Variants in AFG1L observed in about 807,000 individuals in gnomAD.
AFG1L encodes the protein AFG1-like ATPase.
In AFG1L, 53 loss-of-function variants were observed where a neutral mutation model predicts 62.2. That is an observed-to-expected ratio of 0.85 (90% CI 0.68 to 1.07). The LOEUF is 1.07. Among genes scored for constraint, AFG1L ranks in the 50% least tolerant of loss-of-function variants. The pLI, the probability that AFG1L is intolerant of heterozygous loss-of-function variation, is 0.00. For synonymous variants in AFG1L, 228 were observed against 210.3 expected (o/e 1.08, Z -0.73); for missense variants, 555 against 590.5 (o/e 0.94, Z 0.62).
intron 10 of AFG1L, among the ~76,000 whole-genome samples, chr6:108,506,505 G>A (rs1774425819): frequency 6.6e-6 from 1 of 152,068 alleles, no homozygotes; most frequent in African/African-American, 2.4e-5. Context: ...CACTGGGCCT[G>A]GCTTCCTCCC....
intron 1 of AFG1L, among the ~76,000 whole-genome samples, chr6:108,297,175 C>G (rs369711210): frequency 6.6e-6 from 1 of 152,072 alleles, no homozygotes; most frequent in Non-Finnish European, 1.5e-5. Context: ...GGTACAATCT[C>G]GGCTCACTGC....
At position 108,395,403 on chromosome 6, in the gene AFG1L, CT is replaced by C. The variant is rs71551344; in HGVS notation, c.749-6576del. Among the ~76,000 whole-genome samples the C allele has an allele frequency of 1.3e-3, 154 of 122,912 alleles. 2 individuals are homozygous for C. The highest frequency in any genetic ancestry group is 3.3e-3 in the African/African-American group (108 of 32,646). The allele number at this position is 122,912 out of a possible 152,430, so 80.6% of individuals were successfully genotyped here. ...TACTATTCCTTTTTTCTTTTCTTTT[CT>C]TTTTTTTTTTTTTTTTGAGACAGTG... On this transcript the variant is annotated intron_variant, in intron 6 of 12. Transcript: ENST00000368977.
At chr6:108,417,283 C>CA (rs1770352331) in intron 7 of AFG1L, among the ~76,000 whole-genome samples, 5 of 122,388 alleles carry the variant, frequency 4.1e-5, no homozygotes, top group African/African-American at 1.6e-4. Flanking sequence ...CACACACACA[C>CA]ACACAAAAAA....
chr6:108,396,571 A>T (rs1437946523), intron 6 of AFG1L, among the ~76,000 whole-genome samples: 1 of 151,852 alleles, frequency 6.6e-6, no homozygotes, highest in East Asian at 1.9e-4. Context: ...GCTCACTGCA[A>T]CCTCCACCTC....
chr6:108,523,166 A>T lies in AFG1L; in HGVS notation c.*741A>T, dbSNP rs940847103. 10 of 19,186 alleles carry T rather than the reference A, an allele frequency of 5.2e-4. No individual in the cohort carries two copies. The highest frequency in any genetic ancestry group is 3.3e-3 in the South Asian group (2 of 606). The allele number at this position is 19,186 out of a possible 1,614,324, so 1.2% of individuals were successfully genotyped here. A position where few individuals can be genotyped will look rare whatever the true frequency, so the allele number is the denominator to read the frequency against. ...AGCCAGGAATGGGGACCAGTGAGAG[A>T]GTGTGGGCGGGGGGGTGGGTGTCAG... On this transcript the variant is annotated 3_prime_UTR_variant, in exon 13 of 13. Transcript: ENST00000368977.
At position 108,438,576 on chromosome 6, in the gene AFG1L, A is replaced by G. The variant is rs576725654; in HGVS notation, c.808-8638A>G. ...TTTTTTAAGTTACCTCTCTGATCCT[A>G]TGTTTCCTCAACTGTAAAATGGGGA... On this transcript the variant is annotated intron_variant, in intron 7 of 12. Coordinates refer to ENST00000368977, the MANE Select transcript of AFG1L (RefSeq NM_145315.5). Among the ~76,000 whole-genome samples, 10 of 152,134 alleles carry G rather than the reference A, an allele frequency of 6.6e-5. No individual in the cohort carries two copies. The South Asian group carries it at 1.2e-3, about 19-fold the overall frequency.
intron 7 of AFG1L, among the ~76,000 whole-genome samples, chr6:108,410,875 C>T (rs559485480): frequency 1.9e-4 from 29 of 152,174 alleles, no homozygotes; most frequent in African/African-American, 5.5e-4. Context: ...ATGCAGAAGA[C>T]GGGTGATTTC....
intron 1 of AFG1L, among the ~76,000 whole-genome samples, chr6:108,316,635 G>A (rs1370852559): frequency 4.7e-5 from 7 of 147,966 alleles, no homozygotes; most frequent in African/African-American, 1.7e-4. Flanking sequence ...CCAGGTTCAC[G>A]CCCTTCTCCT....
At chr6:108,324,335 A>T (rs891462955) in intron 2 of AFG1L, among the ~76,000 whole-genome samples, 2 of 152,220 alleles carry the variant, frequency 1.3e-5, no homozygotes, top group Non-Finnish European at 2.9e-5. Flanking sequence ...CTCAGGCCTC[A>T]TCCAGGGATC....
chr6:108,382,359 A>G (rs186832123), intron 6 of AFG1L, among the ~76,000 whole-genome samples: 4 of 152,214 alleles, frequency 2.6e-5, no homozygotes, highest in African/African-American at 9.6e-5. Flanking sequence ...AAATAATACT[A>G]TTTTTCTTAG....
chr6:108,377,708 G>C (rs764369623), intron 6 of AFG1L, among the ~76,000 whole-genome samples: 1 of 151,810 alleles, frequency 6.6e-6, no homozygotes, highest in Non-Finnish European at 1.5e-5. Flanking sequence ...GGACAGTATG[G>C]TGACTATATA....
At chr6:108,374,388 G>A (rs1239271235) in intron 6 of AFG1L, among the ~76,000 whole-genome samples, 4 of 152,038 alleles carry the variant, frequency 2.6e-5, no homozygotes, top group African/African-American at 9.7e-5. Context: ...TGTTTTTGAG[G>A]ACTTAGTAAT....
intron 6 of AFG1L, among the ~76,000 whole-genome samples, chr6:108,389,157 T>G (rs1367831198): frequency 6.6e-6 from 1 of 152,180 alleles, no homozygotes; most frequent in Non-Finnish European, 1.5e-5. Context: ...CTTTTGATCT[T>G]TGTTGGTTTA....
rs1337473006 is a variant in AFG1L, at chr6:108,471,184, G to C, written c.891-5681G>C. 2.0e-5 allele frequency among the ~76,000 whole-genome samples: 3 copies of C among 152,112 alleles called. No homozygotes were observed. The East Asian group carries it at 5.8e-4, about 29-fold the overall frequency. On this transcript the variant is annotated intron_variant, in intron 8 of 12. Transcript: ENST00000368977. ...TAAGTGGAATGTAGTGAATGTGAGTGAATCTTTCTTGAGGGTGAGATTTGA... is the reference window on the plus strand; with the variant it reads ...TAAGTGGAATGTAGTGAATGTGAGTCAATCTTTCTTGAGGGTGAGATTTGA...
intron 2 of AFG1L, among the ~76,000 whole-genome samples, chr6:108,338,482 CT>C (rs938545112): frequency 2.7e-4 from 41 of 152,070 alleles, no homozygotes; most frequent in African/African-American, 9.4e-4. Context: ...AGTAAACAAA[CT>C]TTTTTTTGTT....
intron 10 of AFG1L, among the ~76,000 whole-genome samples, chr6:108,479,039 A>G (rs1314416932): frequency 6.6e-6 from 1 of 152,202 alleles, no homozygotes; most frequent in African/African-American, 2.4e-5. Context: ...TAAACAATGA[A>G]CAAGTGCAGT....
At chr6:108,311,422 G>A (rs994524753) in intron 1 of AFG1L, among the ~76,000 whole-genome samples, 2 of 152,124 alleles carry the variant, frequency 1.3e-5, no homozygotes, top group South Asian at 2.1e-4. Context: ...GCATCTGCCC[G>A]TTCCCCTTAT....
chr6:108,464,346 C>CT (rs759426919), intron 8 of AFG1L, among the ~76,000 whole-genome samples: 5 of 152,182 alleles, frequency 3.3e-5, no homozygotes, highest in African/African-American at 7.2e-5. Context: ...CTTTGAGAGT[C>CT]TAAGTTTTAT....
At chr6:108,405,564 C>G (rs1414426784) in intron 7 of AFG1L, among the ~76,000 whole-genome samples, 1 of 152,178 alleles carries the variant, frequency 6.6e-6, no homozygotes, top group Non-Finnish European at 1.5e-5. Flanking sequence ...CCAGGCTGGT[C>G]TCAAACTCCT....
Sources: gnomAD v4.1 joint callset for allele counts (sites outside exome capture counted in the v4.1 genomes callset) on GRCh38, gnomAD v4.1.1 for gene constraint, MANE v1.5 for transcripts, NCBI Gene and HGNC (gene_info 2026-07-23, HGNC 2026-07-21) for gene names.